Variants in ADAMTS20 observed in about 807,000 individuals in gnomAD.
ADAMTS20 encodes the protein ADAM metallopeptidase with thrombospondin type 1 motif 20.
ADAMTS20 carries 225 observed loss-of-function variants against 260.1 expected under a neutral mutation model. That is an observed-to-expected ratio of 0.87 (90% CI 0.78 to 0.97). The LOEUF (loss-of-function observed/expected upper bound fraction) is 0.97. Among genes scored for constraint, ADAMTS20 ranks in the 50% least tolerant of loss-of-function variants. The pLI is 0.00. For synonymous variants in ADAMTS20, 802 were observed against 769.5 expected (o/e 1.04, Z -0.70); for missense variants, 2,400 against 2,337.7 (o/e 1.03, Z -0.55).
At chr12:43,402,060 G>T (rs1016705475) in intron 28 of ADAMTS20, among the ~76,000 whole-genome samples, 14 of 151,838 alleles carry the variant, frequency 9.2e-5, no homozygotes, top group African/African-American at 3.4e-4. Context: ...TCACTTCCCT[G>T]AACTCTTCTG....
intron 17 of ADAMTS20, 63 bp downstream of exon 17, chr12:43,439,834 C>A: frequency 1.9e-6 from 3 of 1,558,172 alleles, no homozygotes; most frequent in Non-Finnish European, 2.6e-6. Flanking sequence ...ATGTTAAGCA[C>A]TTAACCAGTA....
chr12:43,439,986 T>C lies in ADAMTS20; in HGVS notation c.2374A>G (p.Thr792Ala), dbSNP rs752330588. The part of the protein sequence containing the change: ...TSKKEINVQG[T>A]RTVIEYSGSN... ...CCACTGTATTCAATAACAGTTCTTGTTCCTTGCACATTGATTTCTTTTTTT... is the reference window on the plus strand; with the variant it reads ...CCACTGTATTCAATAACAGTTCTTGCTCCTTGCACATTGATTTCTTTTTTT... The change falls in exon 17 of 39, where the codon ACA (threonine) becomes GCA (alanine). Residue 792 changes from threonine (T) to alanine (A), a missense_variant. Physicochemically the swap from Thr to Ala is moderately conservative, Grantham distance 58. Coordinates refer to ENST00000389420, the MANE Select transcript of ADAMTS20 (RefSeq NM_025003.5). 6.3e-7 allele frequency: 1 copy of C among 1,592,770 alleles called. No individual in the cohort carries two copies. The highest frequency in any genetic ancestry group is 8.6e-7 in the Non-Finnish European group (1 of 1,167,800).
intron 7 of ADAMTS20, among the ~76,000 whole-genome samples, chr12:43,472,127 A>C (rs1185039544): frequency 1.4e-5 from 2 of 147,618 alleles, no homozygotes; most frequent in South Asian, 2.2e-4. Context: ...TAACCAATAC[A>C]GAGAAGTGCT....
intron 31 of ADAMTS20, 84 bp downstream of exon 31, chr12:43,383,474 A>G: frequency 2.9e-6 from 4 of 1,366,178 alleles, no homozygotes; most frequent in Non-Finnish European, 3.9e-6. Flanking sequence ...TTCAAATTTT[A>G]TACCCAGTTT....
At chr12:43,496,510 G>A (rs1942679633) in intron 4 of ADAMTS20, among the ~76,000 whole-genome samples, 1 of 152,190 alleles carries the variant, frequency 6.6e-6, no homozygotes, top group Non-Finnish European at 1.5e-5. Flanking sequence ...GTATTGTCCT[G>A]TTATAGTCAC....
chr12:43,459,815 T>C (rs118067178), intron 11 of ADAMTS20, among the ~76,000 whole-genome samples: 3,668 of 152,332 alleles, frequency 0.024, 69 homozygotes, highest in East Asian at 0.08. Context: ...GTGCATTTTG[T>C]TAGCATCTTG....
intron 3 of ADAMTS20, among the ~76,000 whole-genome samples, chr12:43,522,324 AC>A (rs1205914300): frequency 6.6e-6 from 1 of 151,852 alleles, no homozygotes; most frequent in Non-Finnish European, 1.5e-5. Context: ...TGATCCAATT[AC>A]CCCCACCTGG....
chr12:43,365,035 A>G (rs924380022), intron 37 of ADAMTS20, among the ~76,000 whole-genome samples: 2 of 152,138 alleles, frequency 1.3e-5, no homozygotes, highest in African/African-American at 4.8e-5. Flanking sequence ...GACCACATCC[A>G]TGGAACCCAA....
chr12:43,503,201 G>C (rs1012747656), intron 3 of ADAMTS20, among the ~76,000 whole-genome samples: 1 of 151,862 alleles, frequency 6.6e-6, no homozygotes, highest in African/African-American at 2.4e-5. Context: ...CCTTCATTTT[G>C]TTCCTCTCCT....
intron 14 of ADAMTS20, among the ~76,000 whole-genome samples, chr12:43,448,477 T>TA (rs1565553601): frequency 6.6e-6 from 1 of 152,012 alleles, no homozygotes; most frequent in Non-Finnish European, 1.5e-5. Context: ...TTACATCTTA[T>TA]AAAAAAATCA....
intron 37 of ADAMTS20, among the ~76,000 whole-genome samples, chr12:43,368,940 CAGCAGA>C (rs1384433207): frequency 6.6e-6 from 1 of 152,132 alleles, no homozygotes; most frequent in Non-Finnish European, 1.5e-5. Flanking sequence ...GAACTGATGT[CAGCAGA>C]AGTGTATGAA....
chr12:43,410,444 T>C lies in ADAMTS20; in HGVS notation c.4285-11211A>G, dbSNP rs115819043. Among the ~76,000 whole-genome samples the C allele has an allele frequency of 5.4e-3, 828 of 152,236 alleles. 8 individuals carry two copies. The highest frequency in any genetic ancestry group is 0.018 in the African/African-American group (750 of 41,532). On this transcript the variant is annotated intron_variant, in intron 28 of 38. Coordinates refer to ENST00000389420, the MANE Select transcript of ADAMTS20 (RefSeq NM_025003.5). The stretch of plus-strand genomic sequence containing the variant: ...AATTTTAAAACAAGGCAATCCTCCC[T>C]AGGAAAAATGAAGAGTTGTGTAAGA...
At chr12:43,384,600 C>T (rs1003488865) in intron 29 of ADAMTS20, among the ~76,000 whole-genome samples, 8 of 152,118 alleles carry the variant, frequency 5.3e-5, no homozygotes, top group African/African-American at 1.9e-4. Flanking sequence ...CAATGCCTCA[C>T]CTTGTCCCCA....
intron 3 of ADAMTS20, among the ~76,000 whole-genome samples, chr12:43,520,706 G>T (rs1943059511): frequency 6.6e-6 from 1 of 152,178 alleles, no homozygotes; most frequent in Non-Finnish European, 1.5e-5. Flanking sequence ...AGCTTAAGCT[G>T]ACTCTTTAAA....
In ADAMTS20 at chr12:43,471,145, G is replaced by A. The variant is rs1026314124; in HGVS notation, c.1118-2440C>T. On this transcript the variant is annotated intron_variant, in intron 7 of 38. Coordinates refer to ENST00000389420, the MANE Select transcript of ADAMTS20 (RefSeq NM_025003.5). ...TGGGTGCACGCACCGTGCGAGAGCC[G>A]AAGCAGGGCGAGGCATTGCCTCACC... Among the ~76,000 whole-genome samples, 16 of 152,184 alleles carry A rather than the reference G, an allele frequency of 1.1e-4. No homozygotes were observed. The South Asian group carries it at 3.1e-3, about 30-fold the overall frequency.
intron 18 of ADAMTS20, among the ~76,000 whole-genome samples, chr12:43,438,673 G>A (rs528411838): frequency 1.7e-4 from 26 of 152,228 alleles, no homozygotes; most frequent in Non-Finnish European, 3.1e-4. Context: ...TTTGGTCACC[G>A]CCTCTTGCTG....
chr12:43,474,394 G>A lies in ADAMTS20; in HGVS notation c.1118-5689C>T, dbSNP rs1349467055. Among the ~76,000 whole-genome samples, 10 of 150,748 alleles carry A rather than the reference G, an allele frequency of 6.6e-5. 1 individual carries two copies. The highest frequency in any genetic ancestry group is 3.9e-4 in the East Asian group (2 of 5,094). On this transcript the variant is annotated intron_variant, in intron 7 of 38. Transcript: ENST00000389420. Reference sequence around the variant, plus strand: ...TCCAGGACCAGATGGATTCACAGCCGAATTCTACCAAAGGTACAAGGAGGA... The same window carrying A: ...TCCAGGACCAGATGGATTCACAGCCAAATTCTACCAAAGGTACAAGGAGGA...
chr12:43,446,021 G>A (rs551445366), intron 15 of ADAMTS20, among the ~76,000 whole-genome samples: 1 of 152,156 alleles, frequency 6.6e-6, no homozygotes, highest in Non-Finnish European at 1.5e-5. Flanking sequence ...ATTAAATTAT[G>A]GCCAATATGT....
At chr12:43,387,725 G>A (rs752237815) in intron 29 of ADAMTS20, among the ~76,000 whole-genome samples, 8 of 152,178 alleles carry the variant, frequency 5.3e-5, no homozygotes, top group Non-Finnish European at 1.2e-4. Context: ...TGGCTAGAGC[G>A]GCAAAGCTGC....
Sources: gnomAD v4.1 joint callset for allele counts (sites outside exome capture counted in the v4.1 genomes callset) on GRCh38, gnomAD v4.1.1 for gene constraint, MANE v1.5 for transcripts, NCBI Gene and HGNC (gene_info 2026-07-23, HGNC 2026-07-21) for gene names.